SLC22A15: variants seen among roughly 807,000 people sequenced by gnomAD.
SLC22A15 encodes flipt 1.
A neutral mutation model predicts 62.7 loss-of-function variants in SLC22A15; 45 were observed. That is an observed-to-expected ratio of 0.72 (90% confidence interval 0.56 to 0.92). The LOEUF (loss-of-function observed/expected upper bound fraction) is 0.92. SLC22A15 is among the 40% of genes least tolerant of loss of function. The pLI is 0.00. For missense variants in SLC22A15, 622 were observed against 665.6 expected, an observed-to-expected ratio of 0.93 and a Z score of 0.72; for synonymous variants, 264 against 267.0, an observed-to-expected ratio of 0.99 and a Z score of 0.11.
chr1:116,037,461 A>G (rs1176806086), intron 8 of SLC22A15, 73 bp downstream of exon 8: 2 of 1,082,288 alleles, frequency 1.8e-6, no homozygotes, highest in Non-Finnish European at 2.8e-6. Context: ...TAGTGGAGAG[A>G]TGACCATATG....
At chr1:116,017,537 A>G (rs1656602437) in intron 2 of SLC22A15, 2 of 152,170 alleles carry the variant, frequency 1.3e-5, no homozygotes, top group Non-Finnish European at 1.5e-5. Context: ...GTTTTTCCCA[A>G]TTCCTGAGCC....
In SLC22A15 at chr1:116,062,807, T is replaced by C; in HGVS notation, c.1217T>C (p.Leu406Pro). ...GTGAACAGCCATTCCTTGTCCTTGC[T>C]GGGGAAGCTGACCATCAGTGCTGCC... Reference protein sequence around the residue: ...AVVNSHSLSLLGKLTISAAFN... With the variant: ...AVVNSHSLSLPGKLTISAAFN... The change falls in exon 9 of 12, where the codon CTG (leucine) becomes CCG (proline). Residue 406 changes from leucine to proline, a missense_variant. By Grantham distance (98) the Leu-to-Pro change is moderately conservative. Transcript: ENST00000369503. 1 of 1,613,936 alleles carries C rather than the reference T, an allele frequency of 6.2e-7. No individual in the cohort carries two copies. Among genetic ancestry groups the C allele is most frequent in the Non-Finnish European group, 8.5e-7 (1 of 1,179,832 alleles).
chr1:115,995,451 A>C (rs768723655), intron 2 of SLC22A15, among the ~76,000 whole-genome samples: 33 of 152,300 alleles, frequency 2.2e-4, no homozygotes, highest in Non-Finnish European at 4.7e-4. Context: ...GGGTTTCACC[A>C]TGTTGGCCAG....
At position 116,069,923 on chromosome 1, in the gene SLC22A15, G is replaced by T. The variant is rs1570781911; in HGVS notation, c.*2815G>T. On this transcript the variant is annotated 3_prime_UTR_variant, in exon 12 of 12. Coordinates refer to ENST00000369503, the MANE Select transcript of SLC22A15 (RefSeq NM_018420.3). ...GAATTAAAAACCAGCTTCACATTAG[G>T]ACTTCTCCATACAAATGCTTTATCA... 6.6e-6 allele frequency: 1 copy of T among 152,208 alleles called. No homozygotes were observed. Among genetic ancestry groups the T allele is most frequent in the African/African-American group, 2.4e-5 (1 of 41,550 alleles). The allele number at this position is 152,208 out of a possible 1,614,324, so 9.4% of individuals were successfully genotyped here.
At chr1:115,992,917 G>T (rs113739219) in intron 2 of SLC22A15, among the ~76,000 whole-genome samples, 2 of 152,024 alleles carry the variant, frequency 1.3e-5, no homozygotes, top group Non-Finnish European at 2.9e-5. Context: ...GAGCCACCGC[G>T]CCTGGCCTAT....
intron 2 of SLC22A15, among the ~76,000 whole-genome samples, chr1:115,994,592 C>A (rs754304583): frequency 2.0e-5 from 3 of 152,098 alleles, no homozygotes; most frequent in Non-Finnish European, 4.4e-5. Context: ...GAGAATAGTA[C>A]AAAGAATCCC....
At chr1:116,063,839 C>T (rs543901006) in intron 9 of SLC22A15, among the ~76,000 whole-genome samples, 1 of 152,172 alleles carries the variant, frequency 6.6e-6, no homozygotes, top group South Asian at 2.1e-4. Context: ...CTCTCCCTCC[C>T]TCCCTCTCTC....
At chr1:115,992,295 A>G (rs945914837) in intron 2 of SLC22A15, 52 bp downstream of exon 2, 1 of 1,391,892 alleles carries the variant, frequency 7.2e-7, no homozygotes, top group African/African-American at 1.4e-5. Flanking sequence ...TTGTCCACAT[A>G]GAGCTACTCT....
At chr1:115,999,279 G>A (rs1207116521) in intron 2 of SLC22A15, among the ~76,000 whole-genome samples, 2 of 152,154 alleles carry the variant, frequency 1.3e-5, no homozygotes, top group Admixed American at 1.3e-4. Context: ...GAAATGTTTT[G>A]TAAATATTTA....
intron 7 of SLC22A15, among the ~76,000 whole-genome samples, chr1:116,035,853 G>A (rs542459741): frequency 2.0e-5 from 3 of 152,214 alleles, no homozygotes; most frequent in South Asian, 2.1e-4. Flanking sequence ...GATTTTAAAC[G>A]TTATTTTATA....
In SLC22A15 at chr1:116,029,923, T is replaced by G. The variant is rs910619361; in HGVS notation, c.729-1443T>G. Among the ~76,000 whole-genome samples, 5 of 152,226 alleles carry G rather than the reference T, an allele frequency of 3.3e-5. No homozygotes were observed. The East Asian group carries it at 9.6e-4, about 29-fold the overall frequency. On this transcript the variant is annotated intron_variant, in intron 5 of 11. Transcript: ENST00000369503. Reference sequence around the variant, plus strand: ...TTTCTCTCAATATTTATCACAGTAGTCCTCTTTCATTTAGACATAATCAAG... The same window carrying G: ...TTTCTCTCAATATTTATCACAGTAGGCCTCTTTCATTTAGACATAATCAAG...
Position 116,067,300 on chromosome 1 carries a change from T to A in SLC22A15, c.*192T>A. 1.8e-6 allele frequency: 1 copy of A among 567,116 alleles called. No homozygotes were observed. The highest frequency in any genetic ancestry group is 3.1e-6 in the Non-Finnish European group (1 of 319,852). The allele number at this position is 567,116 out of a possible 1,614,324, so 35.1% of individuals were successfully genotyped here. On this transcript the variant is annotated 3_prime_UTR_variant, in exon 12 of 12. Transcript: ENST00000369503. ...GAGATTTCATGAAAGACAACATCACTGCATTGAGAGAATAGTTGTTAATTT... is the reference window on the plus strand; with the variant it reads ...GAGATTTCATGAAAGACAACATCACAGCATTGAGAGAATAGTTGTTAATTT...
intron 8 of SLC22A15, among the ~76,000 whole-genome samples, chr1:116,051,017 A>G (rs1458477559): frequency 6.6e-6 from 1 of 152,220 alleles, no homozygotes; most frequent in East Asian, 1.9e-4. Context: ...CTAACCAAGG[A>G]GTCAAAAAAC....
intron 1 of SLC22A15, among the ~76,000 whole-genome samples, chr1:115,983,450 A>G (rs1208179507): frequency 1.3e-5 from 2 of 151,576 alleles, no homozygotes; most frequent in Non-Finnish European, 2.9e-5. Flanking sequence ...GCACGCGCAC[A>G]TGTGTGTGTA....
intron 2 of SLC22A15, among the ~76,000 whole-genome samples, chr1:115,999,368 C>T (rs1190813209): frequency 6.6e-6 from 1 of 152,082 alleles, no homozygotes; most frequent in Non-Finnish European, 1.5e-5. Context: ...CCTGGATGAC[C>T]TATCTAGTGC....
chr1:116,026,643 A>G lies in SLC22A15; in HGVS notation c.599-250A>G, dbSNP rs146356093. 5.3e-3 allele frequency among the ~76,000 whole-genome samples: 803 copies of G among 152,310 alleles called. 4 individuals are homozygous for G. The highest frequency in any genetic ancestry group is 0.018 in the African/African-American group (762 of 41,570). On this transcript the variant is annotated intron_variant, in intron 4 of 11. Coordinates refer to ENST00000369503, the MANE Select transcript of SLC22A15 (RefSeq NM_018420.3). Reference sequence around the variant, plus strand: ...ATTTAGACAAATTCTTAAAATTTATATATCCCCATATAGTTTGTATTTTTT... The same window carrying G: ...ATTTAGACAAATTCTTAAAATTTATGTATCCCCATATAGTTTGTATTTTTT...
intron 1 of SLC22A15, 24 bp from the exon 2 acceptor site, chr1:115,992,007 G>T (rs1416651182): frequency 1.2e-6 from 2 of 1,603,518 alleles, no homozygotes; most frequent in South Asian, 1.1e-5. Context: ...TGCAGTGTTT[G>T]GTTCTGTGTG....
intron 8 of SLC22A15, among the ~76,000 whole-genome samples, chr1:116,045,853 A>G (rs1657917588): frequency 6.6e-6 from 1 of 151,600 alleles, no homozygotes; most frequent in African/African-American, 2.4e-5. Flanking sequence ...AAATAGAACC[A>G]CATATATGGT....
intron 8 of SLC22A15, among the ~76,000 whole-genome samples, chr1:116,055,183 G>A (rs1658167749): frequency 6.6e-6 from 1 of 151,056 alleles, no homozygotes; most frequent in African/African-American, 2.4e-5. Context: ...AAAAAAGAGA[G>A]AAGAATCAAA....
Sources: gnomAD v4.1 joint callset for allele counts (sites outside exome capture counted in the v4.1 genomes callset) on GRCh38, gnomAD v4.1.1 for gene constraint, MANE v1.5 for transcripts, NCBI Gene and HGNC (gene_info 2026-07-23, HGNC 2026-07-21) for gene names.